The following MGAT4D variants were observed in gnomAD, a reference collection of about 807,000 sequenced individuals.
MGAT4D encodes MGAT4 family member D.
A neutral mutation model predicts 15.9 loss-of-function variants in MGAT4D; 34 were observed. That is an observed-to-expected ratio of 2.14 (90% CI 1.62 to 2.84). The LOEUF (loss-of-function observed/expected upper bound fraction) is 2.84. MGAT4D is among the 30% of genes most tolerant of loss of function. The pLI, the probability that MGAT4D is intolerant of heterozygous loss-of-function variation, is 0.00. For synonymous variants in MGAT4D, 112 were observed against 48.2 expected (o/e 2.33, Z -5.49); for missense variants, 327 against 140.2 (o/e 2.33, Z -6.73).
At chr4:140,480,829 A>G (rs1732667480) in intron 2 of MGAT4D, among the ~76,000 whole-genome samples, 1 of 151,480 alleles carries the variant, frequency 6.6e-6, no homozygotes, top group African/African-American at 2.4e-5. Flanking sequence ...CCAGCTGCTC[A>G]GGAAGCTGAG....
intron 9 of MGAT4D, among the ~76,000 whole-genome samples, chr4:140,453,924 C>T (rs1249062251): frequency 6.6e-6 from 1 of 151,902 alleles, no homozygotes; most frequent in Non-Finnish European, 1.5e-5. Flanking sequence ...CTTTTCATTG[C>T]TATTTTGCAG....
intron 2 of MGAT4D, among the ~76,000 whole-genome samples, chr4:140,481,177 T>C (rs1732699897): frequency 6.6e-6 from 1 of 151,586 alleles, no homozygotes; most frequent in Non-Finnish European, 1.5e-5. Flanking sequence ...TGGTAGCACA[T>C]GACTGTAGTC....
At chr4:140,475,551 C>A (rs1732254229) in intron 3 of MGAT4D, among the ~76,000 whole-genome samples, 1 of 149,086 alleles carries the variant, frequency 6.7e-6, no homozygotes, top group South Asian at 2.1e-4. Context: ...GCAAGATACA[C>A]AACATCTCCA....
intron 1 of MGAT4D, among the ~76,000 whole-genome samples, chr4:140,492,209 A>G (rs1243956024): frequency 3.3e-5 from 5 of 152,112 alleles, no homozygotes; most frequent in African/African-American, 1.2e-4. Context: ...ACAAGCCACG[A>G]GGAGAGGCTT....
At chr4:140,490,171 T>C (rs1177056672) in intron 1 of MGAT4D, among the ~76,000 whole-genome samples, 6 of 152,246 alleles carry the variant, frequency 3.9e-5, no homozygotes, top group Non-Finnish European at 5.9e-5. Flanking sequence ...GGTTTTTCTA[T>C]GTTTATTCAA....
intron 2 of MGAT4D, among the ~76,000 whole-genome samples, chr4:140,481,003 G>A (rs1427104840): frequency 2.0e-5 from 3 of 152,148 alleles, no homozygotes; most frequent in Admixed American, 2.0e-4. Flanking sequence ...ATAAAGCTAT[G>A]AGATATCATG....
rs770271106 is a variant in MGAT4D, at chr4:140,498,188, A to T, written c.35T>A (p.Leu12Gln). Residue 12 changes from leucine (L) to glutamine (Q), a missense_variant, in exon 1 of 11, where the codon CTG becomes CAG. Leu to Gln is a moderately radical substitution (Grantham distance 113). Transcript: ENST00000511113. The part of the protein sequence containing the change: ...RTKQVNLLIT[L>Q]VAVALFSFSC... Reference sequence around the variant, plus strand: ...GAAGCTGAACAACGCGACGGCGACCAGGGTGATCAGCAAGTTCACCTGCTT... The same window carrying T: ...GAAGCTGAACAACGCGACGGCGACCTGGGTGATCAGCAAGTTCACCTGCTT... 4.3e-6 allele frequency: 3 copies of T among 702,538 alleles called. No homozygotes were observed. The highest frequency in any genetic ancestry group is 5.2e-6 in the Non-Finnish European group (2 of 384,742). The allele number at this position is 702,538 out of a possible 1,614,324, so 43.5% of individuals were successfully genotyped here. A position where few individuals can be genotyped will look rare whatever the true frequency, so the allele number is the denominator to read the frequency against.
chr4:140,476,603 T>G (rs1469322821), intron 3 of MGAT4D, among the ~76,000 whole-genome samples: 2 of 152,168 alleles, frequency 1.3e-5, no homozygotes, highest in Non-Finnish European at 2.9e-5. Flanking sequence ...TTACAAGAAT[T>G]TAAAAGGCCC....
chr4:140,471,388 T>C (rs1224330466), intron 5 of MGAT4D, among the ~76,000 whole-genome samples: 4 of 152,130 alleles, frequency 2.6e-5, no homozygotes, highest in Non-Finnish European at 4.4e-5. Flanking sequence ...GATAAAGAGC[T>C]TCATATTGGT....
chr4:140,468,229 C>G (rs1472345291), intron 5 of MGAT4D, among the ~76,000 whole-genome samples: 2 of 151,898 alleles, frequency 1.3e-5, no homozygotes, highest in South Asian at 4.1e-4. Flanking sequence ...TAATTATCAC[C>G]ACTAGAATCA....
rs552090791 is a variant in MGAT4D at position 140,443,404 on chromosome 4, C to T, written c.*32G>A. ...TTAGATATCAAGGTTATCTGAGGTT[C>T]CAGGTATTACAGAGTTTCTTCTTAT... On this transcript the variant is annotated 3_prime_UTR_variant, in exon 11 of 11. Transcript: ENST00000511113. The T allele has an allele frequency of 7.3e-5, 38 of 518,632 alleles. 1 individual carries two copies. In the South Asian group the frequency reaches 8.8e-4, roughly 12 times the overall value. The allele number at this position is 518,632 out of a possible 1,614,324, so 32.1% of individuals were successfully genotyped here. A position where few individuals can be genotyped will look rare whatever the true frequency, so the allele number is the denominator to read the frequency against.
At chr4:140,464,838 C>G (rs1578665792) in intron 6 of MGAT4D, 58 bp downstream of exon 6, 4 of 693,830 alleles carry the variant, frequency 5.8e-6, no homozygotes. Context: ...GAGCTGATTC[C>G]AAGATTTTAT....
chr4:140,469,991 A>C (rs1731811170), intron 5 of MGAT4D, among the ~76,000 whole-genome samples: 1 of 152,338 alleles, frequency 6.6e-6, no homozygotes, highest in East Asian at 1.9e-4. Flanking sequence ...GCAGTAAGTG[A>C]CAAGAGCCTG....
chr4:140,454,110 C>T (rs536425165), intron 9 of MGAT4D, among the ~76,000 whole-genome samples: 47 of 151,904 alleles, frequency 3.1e-4, no homozygotes, highest in African/African-American at 1.1e-3. Flanking sequence ...TTGTTTTTCC[C>T]TTTATTGCAC....
chr4:140,478,238 C>T (rs555113485), intron 3 of MGAT4D, among the ~76,000 whole-genome samples: 1 of 152,206 alleles, frequency 6.6e-6, no homozygotes, highest in South Asian at 2.1e-4. Flanking sequence ...CCCTCCAACC[C>T]CCTACACAAG....
At chr4:140,472,326 T>C (rs1051530122) in intron 4 of MGAT4D, among the ~76,000 whole-genome samples, 1 of 152,194 alleles carries the variant, frequency 6.6e-6, no homozygotes. Flanking sequence ...CTGCTCTTCA[T>C]TGAACAGTGC....
chr4:140,473,657 C>A (rs1732122764), intron 4 of MGAT4D, among the ~76,000 whole-genome samples: 1 of 152,142 alleles, frequency 6.6e-6, no homozygotes, highest in Admixed American at 6.5e-5. Context: ...TTCTCAACTT[C>A]CATACTATAC....
intron 3 of MGAT4D, among the ~76,000 whole-genome samples, chr4:140,476,282 T>TG (rs1368245838): frequency 6.6e-6 from 1 of 152,212 alleles, no homozygotes; most frequent in African/African-American, 2.4e-5. Flanking sequence ...CTCCCACTCT[T>TG]GGTTCCCTTT....
intron 5 of MGAT4D, among the ~76,000 whole-genome samples, chr4:140,465,340 G>T (rs1731463254): frequency 1.3e-5 from 2 of 152,134 alleles, no homozygotes; most frequent in Admixed American, 1.3e-4. Flanking sequence ...CTGCAAGAAA[G>T]CAAGAATATT....
Sources: gnomAD v4.1 joint callset for allele counts (sites outside exome capture counted in the v4.1 genomes callset) on GRCh38, gnomAD v4.1.1 for gene constraint, MANE v1.5 for transcripts, NCBI Gene and HGNC (gene_info 2026-07-23, HGNC 2026-07-21) for gene names.